RGL1: variants seen among roughly 807,000 people sequenced by gnomAD.
RGL1 encodes the protein ral guanine nucleotide dissociation stimulator-like 1.
A neutral mutation model predicts 95.2 loss-of-function variants in RGL1; 24 were observed. The ratio of observed to expected loss-of-function variants is 0.25; its 90% CI spans 0.18 to 0.35. The LOEUF is 0.35. RGL1 is among the 10% of genes least tolerant of loss of function. The pLI is 1.00. For missense variants in RGL1, 715 were observed against 936.3 expected (o/e 0.76, Z 3.08); for synonymous variants, 329 against 344.9 (o/e 0.95, Z 0.51).
intron 1 of RGL1, chr1:183,709,846 G>A (rs978515514): frequency 1.8e-5 from 3 of 162,488 alleles, no homozygotes; most frequent in Non-Finnish European, 4.0e-5. Context: ...TGAGTTGGGG[G>A]AATTGGGCTG....
chr1:183,796,058 T>A (rs1198709529), intron 2 of RGL1, among the ~76,000 whole-genome samples: 1 of 152,078 alleles, frequency 6.6e-6, no homozygotes, highest in Non-Finnish European at 1.5e-5. Flanking sequence ...AGTGTCTAGA[T>A]AATAGAAAAC....
chr1:183,828,798 C>G (rs1663057386), intron 2 of RGL1, among the ~76,000 whole-genome samples: 1 of 152,142 alleles, frequency 6.6e-6, no homozygotes, highest in South Asian at 2.1e-4. Flanking sequence ...TGATCTGCTC[C>G]AGTCAGGAAC....
intron 4 of RGL1, among the ~76,000 whole-genome samples, chr1:183,875,597 C>G (rs763429829): frequency 4.0e-4 from 61 of 152,044 alleles, no homozygotes; most frequent in Non-Finnish European, 6.6e-4. Context: ...AATGAGTGGC[C>G]AGCTGCGGTG....
At chr1:183,905,042 G>A (rs1018412240) in intron 13 of RGL1, 71 bp downstream of exon 13, 20 of 1,531,832 alleles carry the variant, frequency 1.3e-5, no homozygotes, top group Non-Finnish European at 6.1e-6. Context: ...TTAATACCTC[G>A]CTGGGTCATT....
Position 183,904,868 on chromosome 1 carries a change from C to A in RGL1, c.1369C>A (p.Gln457Lys). 4 of 1,609,582 alleles carry A rather than the reference C, an allele frequency of 2.5e-6. No homozygotes were observed. The highest frequency in any genetic ancestry group is 3.4e-6 in the Non-Finnish European group (4 of 1,178,622). Residue 457 changes from glutamine (Q) to lysine (K), a missense_variant, in exon 13 of 18, where the codon CAG (glutamine) becomes AAG (lysine). Coordinates refer to ENST00000360851, the MANE Select transcript of RGL1 (RefSeq NM_001297671.3). ...KRRREFEVIA[Q>K]IKLLQSACNS... ...GCTTTAGGAATTTGAAGTGATTGCC[C>A]AGATAAAGCTCTTACAGTCTGCCTG... is the stretch of plus-strand genomic sequence containing the variant.
At chr1:183,747,318 T>A (rs1369583557) in intron 2 of RGL1, among the ~76,000 whole-genome samples, 2 of 152,172 alleles carry the variant, frequency 1.3e-5, no homozygotes, top group Non-Finnish European at 2.9e-5. Context: ...CCAGAATCTG[T>A]TGTTTCCTGA....
intron 1 of RGL1, among the ~76,000 whole-genome samples, chr1:183,654,641 G>C (rs1046809352): frequency 6.6e-6 from 1 of 152,120 alleles, no homozygotes; most frequent in African/African-American, 2.4e-5. Context: ...AAAAAATATA[G>C]TCCCCAAATC....
chr1:183,912,201 C>T lies in RGL1; in HGVS notation c.1682C>T (p.Ser561Leu). 6.8e-6 allele frequency: 11 copies of T among 1,614,054 alleles called. No individual in the cohort carries two copies. The highest frequency in any genetic ancestry group is 8.5e-6 in the Non-Finnish European group (10 of 1,179,992). ...TCTGTCAGCGTGTCATCCTGCGAGT[C>T]GAACCACTCAGAGGCTGAGGAGGGC... ...MDSVSVSSCESNHSEAEEGSI... is the reference protein window; with the variant it reads ...MDSVSVSSCELNHSEAEEGSI... The change falls in exon 15 of 18, where the codon TCG becomes TTG. Residue 561 changes from serine to leucine, a missense_variant. Ser to Leu is a moderately radical substitution (Grantham distance 145). Coordinates refer to ENST00000360851, the MANE Select transcript of RGL1 (RefSeq NM_001297671.3).
chr1:183,918,231 G>A (rs1470403844), intron 16 of RGL1, among the ~76,000 whole-genome samples: 1 of 152,184 alleles, frequency 6.6e-6, no homozygotes, highest in Admixed American at 6.5e-5. Flanking sequence ...CAAGGCTGGT[G>A]CTGAGATCAA....
At chr1:183,838,194 C>A (rs1663797623) in intron 2 of RGL1, among the ~76,000 whole-genome samples, 1 of 152,136 alleles carries the variant, frequency 6.6e-6, no homozygotes, top group South Asian at 2.1e-4. Flanking sequence ...ACTTTGGAAT[C>A]CTTAAAGGAT....
At chr1:183,670,706 G>T (rs1304997248) in intron 1 of RGL1, among the ~76,000 whole-genome samples, 1 of 152,212 alleles carries the variant, frequency 6.6e-6, no homozygotes, top group African/African-American at 2.4e-5. Context: ...ATGGTTCTAA[G>T]AAGAGTTGTT....
At chr1:183,684,650 G>A (rs1026437362) in intron 1 of RGL1, among the ~76,000 whole-genome samples, 4 of 152,198 alleles carry the variant, frequency 2.6e-5, no homozygotes, top group Non-Finnish European at 5.9e-5. Context: ...AAAAACTTCT[G>A]CAGCTAGCTT....
chr1:183,865,040 C>A (rs997610737), intron 3 of RGL1, among the ~76,000 whole-genome samples: 2 of 152,126 alleles, frequency 1.3e-5, no homozygotes, highest in African/African-American at 4.8e-5. Flanking sequence ...ACTTGTGAAA[C>A]CCCAAGGAAT....
intron 2 of RGL1, among the ~76,000 whole-genome samples, chr1:183,782,868 C>G (rs548636112): frequency 6.6e-6 from 1 of 152,138 alleles, no homozygotes; most frequent in South Asian, 2.1e-4. Context: ...AGTCAGACGT[C>G]CATGTGTAGA....
chr1:183,770,695 G>A (rs935240279), intron 2 of RGL1, among the ~76,000 whole-genome samples: 3 of 152,180 alleles, frequency 2.0e-5, no homozygotes, highest in Admixed American at 6.5e-5. Flanking sequence ...GAAGTCAGGC[G>A]ATCATGACGG....
intron 2 of RGL1, among the ~76,000 whole-genome samples, chr1:183,749,795 G>C (rs1294367093): frequency 6.6e-6 from 1 of 152,120 alleles, no homozygotes; most frequent in South Asian, 2.1e-4. Context: ...GTCTGTAAAG[G>C]ACTGTATTTC....
chr1:183,924,117 G>A (rs1669474972), intron 17 of RGL1, among the ~76,000 whole-genome samples: 2 of 152,092 alleles, frequency 1.3e-5, no homozygotes, highest in African/African-American at 4.8e-5. Context: ...CCATTACTGG[G>A]TGTATACCCA....
chr1:183,892,752 T>G (rs1251476004), intron 9 of RGL1, among the ~76,000 whole-genome samples: 1 of 152,240 alleles, frequency 6.6e-6, no homozygotes, highest in African/African-American at 2.4e-5. Flanking sequence ...AAACACTGTT[T>G]CCTGGAGTTT....
intron 1 of RGL1, among the ~76,000 whole-genome samples, chr1:183,676,254 T>A (rs889370326): frequency 5.9e-5 from 9 of 152,210 alleles, no homozygotes; most frequent in African/African-American, 2.2e-4. Context: ...AAAGTTTTCA[T>A]GAAACCTTTG....
Sources: gnomAD v4.1 joint callset for allele counts (sites outside exome capture counted in the v4.1 genomes callset) on GRCh38, gnomAD v4.1.1 for gene constraint, MANE v1.5 for transcripts, NCBI Gene and HGNC (gene_info 2026-07-23, HGNC 2026-07-21) for gene names.